The following FABP6 variants were observed in gnomAD, a reference collection of about 807,000 sequenced individuals.
FABP6 encodes gastrotropin.
In FABP6, 13 loss-of-function variants were observed where a neutral mutation model predicts 14.9. The observed-to-expected ratio is 0.87, with a 90% CI of 0.57 to 1.39. The LOEUF (loss-of-function observed/expected upper bound fraction) is 1.39, where lower values mean the gene tolerates loss of function less well. Ranked by LOEUF, FABP6 falls within the 40% of genes most tolerant of loss-of-function variation. The pLI, the probability that FABP6 is intolerant of heterozygous loss-of-function variation, is 0.00. For synonymous variants in FABP6, 75 were observed against 63.6 expected, an observed-to-expected ratio of 1.18 and a Z score of -0.85; for missense variants, 161 against 167.2, an observed-to-expected ratio of 0.96 and a Z score of 0.20.
upstream of FABP6, chr5:160,229,354 A>G (rs777102686): frequency 7.2e-6 from 9 of 1,256,874 alleles, no homozygotes; most frequent in South Asian, 1.1e-4. Context: ...CAGGGTGAAT[A>G]ACCTCGGGGC....
At chr5:160,200,852 G>A (rs969179516) in intron 2 of FABP6, among the ~76,000 whole-genome samples, 1 of 150,814 alleles carries the variant, frequency 6.6e-6, no homozygotes, top group African/African-American at 2.4e-5. Flanking sequence ...TAGCCCTTGG[G>A]TGGGGAGAGG....
intron 3 of FABP6, among the ~76,000 whole-genome samples, chr5:160,223,923 G>A (rs1194861323): frequency 8.0e-6 from 1 of 124,476 alleles, no homozygotes; most frequent in African/African-American, 3.2e-5. Flanking sequence ...AACAAAGTGA[G>A]ATCCCATCTC....
chr5:160,200,476 G>A (rs1485483552), intron 2 of FABP6, among the ~76,000 whole-genome samples: 1 of 150,198 alleles, frequency 6.7e-6, no homozygotes, highest in Non-Finnish European at 1.5e-5. Flanking sequence ...GCAATGGCAC[G>A]ATCTTGGCTC....
chr5:160,191,444 G>A (rs1293713988), intron 1 of FABP6, among the ~76,000 whole-genome samples: 7 of 140,862 alleles, frequency 5.0e-5, no homozygotes, highest in Non-Finnish European at 1.5e-5. Flanking sequence ...TCCAGCCTGG[G>A]CAACAAGAGT....
At chr5:160,194,463 A>G (rs1759470253) in intron 1 of FABP6, among the ~76,000 whole-genome samples, 1 of 152,140 alleles carries the variant, frequency 6.6e-6, no homozygotes, top group African/African-American at 2.4e-5. Flanking sequence ...GCACGCTGTT[A>G]TCTCTCATTT....
Position 160,237,322 on chromosome 5 carries a change from A to G in FABP6, c.334-1284A>G, listed in dbSNP as rs185255738. Among the ~76,000 whole-genome samples, 6 of 152,252 alleles carry G rather than the reference A, an allele frequency of 3.9e-5. No individual in the cohort carries two copies. In the East Asian group the frequency reaches 9.7e-4, roughly 24 times the overall value. On this transcript the variant is annotated intron_variant, in intron 3 of 3. Transcript: ENST00000402432. ...AGCCCATGTGGTGTGGGCAGTGACC[A>G]GAGTTCAGGGTCATCATGCACACAC...
In FABP6 at chr5:160,208,783, T is replaced by C. The variant is rs1351860559; in HGVS notation, c.52-4953T>C. ...TTTCTTTTTTTCTTTCTTTCTTTTC[T>C]TTTTTTTTTTTTGTAGGGAGTCTCA... On this transcript the variant is annotated intron_variant, in intron 2 of 6. Transcript: ENST00000393980. Among the ~76,000 whole-genome samples the C allele has an allele frequency of 8.2e-5, 4 of 48,880 alleles. No individual in the cohort carries two copies. In the East Asian group the frequency reaches 1.5e-3, roughly 19 times the overall value. 32.1% of individuals were successfully genotyped at this position (48,880 alleles called of 152,430 possible). A position where few individuals can be genotyped will look rare whatever the true frequency, so the allele number is the denominator to read the frequency against.
At chr5:160,231,624 GACCTTAA>G (rs549746896) in intron 1 of FABP6, among the ~76,000 whole-genome samples, 1 of 152,264 alleles carries the variant, frequency 6.6e-6, no homozygotes, top group South Asian at 2.1e-4. Flanking sequence ...TCGAACTTCT[GACCTTAA>G]ACGATCTGCC....
intron 3 of FABP6, among the ~76,000 whole-genome samples, chr5:160,218,310 A>T (rs929594181): frequency 2.6e-5 from 4 of 152,042 alleles, no homozygotes; most frequent in Non-Finnish European, 5.9e-5. Flanking sequence ...TGAGACACAA[A>T]AAAATAAATA....
intron 3 of FABP6, among the ~76,000 whole-genome samples, chr5:160,236,135 C>T (rs930255478): frequency 1.3e-5 from 2 of 152,002 alleles, no homozygotes; most frequent in African/African-American, 4.8e-5. Context: ...CTTCCTCAGC[C>T]TCCCCAAGTA....
chr5:160,189,866 T>TA (rs1446638487), intron 1 of FABP6, among the ~76,000 whole-genome samples: 1 of 152,212 alleles, frequency 6.6e-6, no homozygotes, highest in Non-Finnish European at 1.5e-5. Flanking sequence ...GATGTGGACT[T>TA]AGAGATTTGG....
chr5:160,195,278 T>C (rs1481470618), intron 1 of FABP6, among the ~76,000 whole-genome samples: 1 of 92,436 alleles, frequency 1.1e-5, no homozygotes. Flanking sequence ...AGCGAGACTC[T>C]GTCTCAAAAA....
chr5:160,229,567 A>C lies in FABP6; in HGVS notation c.10A>C (p.Thr4Pro), dbSNP rs1680662517. 1.2e-6 allele frequency: 2 copies of C among 1,613,976 alleles called. No individual in the cohort carries two copies. Among genetic ancestry groups the C allele is most frequent in the Non-Finnish European group, 1.7e-6 (2 of 1,179,942 alleles). MAF[T>P]GKFEMESEKN... ...CCAGCCTCCCAGCAGCATGGCTTTC[A>C]CCGGCAAGTTCGAGATGGAGAGTGA... The change falls in exon 1 of 4, where the codon ACC (threonine) becomes CCC (proline). Residue 4 changes from threonine to proline, a missense_variant. By Grantham distance (38) the Thr-to-Pro change is conservative. Coordinates refer to ENST00000402432, the MANE Select transcript of FABP6 (RefSeq NM_001445.3).
chr5:160,200,225 T>G (rs1288634093), intron 2 of FABP6, among the ~76,000 whole-genome samples: 1 of 152,170 alleles, frequency 6.6e-6, no homozygotes, highest in Non-Finnish European at 1.5e-5. Flanking sequence ...CTTAGCACTG[T>G]GCCTGCAGTT....
chr5:160,188,304 A>G (rs1580892037), intron 1 of FABP6, among the ~76,000 whole-genome samples: 1 of 152,186 alleles, frequency 6.6e-6, no homozygotes, highest in African/African-American at 2.4e-5. Flanking sequence ...ATGCTGCTTC[A>G]GAGCTCTAGG....
At position 160,206,212 on chromosome 5, in the gene FABP6, A is replaced by C. The variant is rs550106635; in HGVS notation, c.51+7055A>C. The stretch of plus-strand genomic sequence containing the variant: ...TTTGGGAAGCCGAGGAGGGCAGATC[A>C]TGAGGTCAGGAGTTTGAGACCAACC... On this transcript the variant is annotated intron_variant, in intron 2 of 6. Transcript: ENST00000393980. Among the ~76,000 whole-genome samples, 120 of 152,276 alleles carry C rather than the reference A, an allele frequency of 7.9e-4. 1 individual carries two copies. In the South Asian group the frequency reaches 0.018, roughly 23 times the overall value.
intron 2 of FABP6, among the ~76,000 whole-genome samples, chr5:160,208,378 T>C (rs1580906870): frequency 1.3e-5 from 2 of 151,968 alleles, no homozygotes; most frequent in Admixed American, 1.3e-4. Flanking sequence ...TTTGAGGCTG[T>C]TGTGAGCTAA....
At chr5:160,203,859 G>A (rs918050614) in intron 2 of FABP6, among the ~76,000 whole-genome samples, 9 of 151,938 alleles carry the variant, frequency 5.9e-5, no homozygotes, top group African/African-American at 1.9e-4. Flanking sequence ...GCGCCAACAT[G>A]CCTGGTTAAT....
At chr5:160,228,794 C>T, upstream of FABP6, 1 of 292,984 alleles carries the variant, frequency 3.4e-6, no homozygotes, top group Non-Finnish European at 6.9e-6. Context: ...TCCAGCTAAA[C>T]TCATTGTTTC....
Sources: gnomAD v4.1 joint callset for allele counts (sites outside exome capture counted in the v4.1 genomes callset) on GRCh38, gnomAD v4.1.1 for gene constraint, MANE v1.5 for transcripts, NCBI Gene and HGNC (gene_info 2026-07-23, HGNC 2026-07-21) for gene names.